The following ZNF146 variants were observed in gnomAD, a reference collection of about 807,000 sequenced individuals.
ZNF146 encodes zinc finger protein 146, also known as zinc finger protein OZF.
ZNF146 carries 9 observed loss-of-function variants against 22.2 expected under a neutral mutation model. That is an observed-to-expected ratio of 0.41 (90% CI 0.24 to 0.71). The LOEUF is 0.71. Ranked by LOEUF, ZNF146 falls within the 30% of genes least tolerant of loss-of-function variation. The pLI is 0.34. For synonymous variants in ZNF146, 108 were observed against 119.2 expected (o/e 0.91, Z 0.61); for missense variants, 194 against 344.8 (o/e 0.56, Z 3.46).
At chr19:36,221,927 CTTTTTTTTTTT>C (rs60347994) in intron 2 of ZNF146, among the ~76,000 whole-genome samples, 24 of 109,890 alleles carry the variant, frequency 2.2e-4, no homozygotes, top group Admixed American at 1.7e-3. Context: ...TTTTTTCTTT[CTTTTTTTTTTT>C]TTTTTTTTTT....
chr19:36,218,940 C>G (rs1009741124), intron 2 of ZNF146, among the ~76,000 whole-genome samples: 2 of 151,510 alleles, frequency 1.3e-5, no homozygotes, highest in Non-Finnish European at 1.5e-5. Context: ...TCCCAAGTAG[C>G]TGGGACTACG....
intron 2 of ZNF146, among the ~76,000 whole-genome samples, chr19:36,226,789 A>T (rs912175871): frequency 6.6e-6 from 1 of 152,210 alleles, no homozygotes; most frequent in Non-Finnish European, 1.5e-5. Flanking sequence ...GCTATTGATT[A>T]AAAAAATTCT....
intron 2 of ZNF146, among the ~76,000 whole-genome samples, chr19:36,228,136 G>A (rs1324388047): frequency 6.8e-6 from 1 of 146,196 alleles, no homozygotes; most frequent in Non-Finnish European, 1.5e-5. Context: ...CTCTAGCCTG[G>A]GCAACAGGAG....
intron 3 of ZNF146, among the ~76,000 whole-genome samples, chr19:36,231,384 A>G (rs1182326645): frequency 6.6e-6 from 1 of 151,670 alleles, no homozygotes; most frequent in African/African-American, 2.4e-5. Context: ...TAATTTTTGT[A>G]TTTTTTTGGT....
intron 3 of ZNF146, among the ~76,000 whole-genome samples, chr19:36,234,589 G>A (rs1214422321): frequency 1.3e-5 from 2 of 152,118 alleles, no homozygotes; most frequent in Non-Finnish European, 2.9e-5. Context: ...AGTAGAGATG[G>A]GGTTTCACTG....
intron 3 of ZNF146, among the ~76,000 whole-genome samples, chr19:36,234,357 G>A (rs1016333250): frequency 4.8e-5 from 7 of 145,746 alleles, no homozygotes; most frequent in South Asian, 4.3e-4. Context: ...GAGCAAGACT[G>A]TCTCAAAAAA....
At position 36,235,780 on chromosome 19, in the gene ZNF146, A is replaced by G. The variant is rs1977624553; in HGVS notation, c.-661A>G. The G allele has an allele frequency of 6.6e-6, 1 of 152,208 alleles. No homozygotes were observed. The highest frequency in any genetic ancestry group is 1.5e-5 in the Non-Finnish European group (1 of 68,050). 9.4% of individuals were successfully genotyped at this position (152,208 alleles called of 1,614,324 possible). On this transcript the variant is annotated 5_prime_UTR_variant, in exon 4 of 4. Coordinates refer to ENST00000443387, the MANE Select transcript of ZNF146 (RefSeq NM_007145.3). The stretch of plus-strand genomic sequence containing the variant: ...GAGAAAAAGAGCGTTGAATATAAGA[A>G]AAAATACTTCCTCTGTTCTCAGATC...
intron 2 of ZNF146, among the ~76,000 whole-genome samples, chr19:36,221,927 CTTTTTTTTTTTTTT>C (rs60347994): frequency 1.8e-5 from 2 of 109,890 alleles, no homozygotes; most frequent in South Asian, 6.2e-4. Context: ...TTTTTTCTTT[CTTTTTTTTTTTTTT>C]TTTTTTTTGA....
chr19:36,224,109 C>T (rs1377327815), intron 2 of ZNF146, among the ~76,000 whole-genome samples: 5 of 152,148 alleles, frequency 3.3e-5, no homozygotes, highest in Non-Finnish European at 5.9e-5. Context: ...TGGCTGGGCA[C>T]GGTGGCTCAC....
chr19:36,217,111 A>G (rs1240725680), intron 1 of ZNF146, among the ~76,000 whole-genome samples: 1 of 123,748 alleles, frequency 8.1e-6, no homozygotes, highest in Non-Finnish European at 1.6e-5. Context: ...TGCCCAGTCT[A>G]GAGTGCAGTG....
intron 2 of ZNF146, among the ~76,000 whole-genome samples, chr19:36,219,505 GA>G (rs1468806555): frequency 1.3e-5 from 2 of 151,642 alleles, no homozygotes; most frequent in Non-Finnish European, 1.5e-5. Flanking sequence ...AATCTCTGAT[GA>G]TTTTTTTTTT....
intron 3 of ZNF146, among the ~76,000 whole-genome samples, chr19:36,233,153 C>T (rs771221052): frequency 6.6e-6 from 1 of 152,164 alleles, no homozygotes; most frequent in African/African-American, 2.4e-5. Context: ...GAGGCAGATA[C>T]GGGCAGATCA....
intron 2 of ZNF146, among the ~76,000 whole-genome samples, chr19:36,226,022 A>T (rs1398206624): frequency 1.3e-5 from 2 of 152,010 alleles, no homozygotes; most frequent in Non-Finnish European, 2.9e-5. Context: ...TGCCCACCTC[A>T]GCTTCCCAAA....
At chr19:36,232,038 A>G (rs77687752) in intron 3 of ZNF146, among the ~76,000 whole-genome samples, 3,597 of 152,154 alleles carry the variant, frequency 0.024, 167 homozygotes, top group African/African-American at 0.083. Context: ...CCCCGTTTCT[A>G]TTAAAAATAC....
At position 36,237,355 on chromosome 19, in the gene ZNF146, C is replaced by T. The variant is rs958428927; in HGVS notation, c.*36C>T. Reference sequence around the variant, plus strand: ...AAAGCCTTGAAAGTGGGAAAGCTTTCATTAGAAATTTGCACCTCATCATGC... The same window carrying T: ...AAAGCCTTGAAAGTGGGAAAGCTTTTATTAGAAATTTGCACCTCATCATGC... On this transcript the variant is annotated 3_prime_UTR_variant, in exon 4 of 4. Transcript: ENST00000443387. 1 of 1,551,716 alleles carries T rather than the reference C, an allele frequency of 6.4e-7. No individual in the cohort carries two copies. Among genetic ancestry groups the T allele is most frequent in the Non-Finnish European group, 8.7e-7 (1 of 1,151,880 alleles).
chr19:36,223,848 TA>T (rs879808394), intron 2 of ZNF146, among the ~76,000 whole-genome samples: 6,092 of 146,142 alleles, frequency 0.042, 361 homozygotes, highest in African/African-American at 0.14. Context: ...CTCGCTAATT[TA>T]AAAAAAAAAA....
At chr19:36,217,100 T>C (rs2145389730) in intron 1 of ZNF146, among the ~76,000 whole-genome samples, 1 of 139,420 alleles carries the variant, frequency 7.2e-6, no homozygotes, top group South Asian at 2.5e-4. Context: ...TCTCTCTCTC[T>C]TGCCCAGTCT....
At chr19:36,231,894 C>T (rs994170729) in intron 3 of ZNF146, among the ~76,000 whole-genome samples, 4 of 146,280 alleles carry the variant, frequency 2.7e-5, no homozygotes, top group African/African-American at 5.2e-5. Context: ...GTTGAGACCC[C>T]GTATCTTTTT....
chr19:36,222,542 T>G (rs1430132838), intron 2 of ZNF146, among the ~76,000 whole-genome samples: 1 of 152,164 alleles, frequency 6.6e-6, no homozygotes, highest in African/African-American at 2.4e-5. Context: ...ATGAGTGTAG[T>G]GTCGAATATT....
Sources: gnomAD v4.1 joint callset for allele counts (sites outside exome capture counted in the v4.1 genomes callset) on GRCh38, gnomAD v4.1.1 for gene constraint, MANE v1.5 for transcripts, NCBI Gene and HGNC (gene_info 2026-07-23, HGNC 2026-07-21) for gene names.